CADM1: variants seen among roughly 807,000 people sequenced by gnomAD.
CADM1 encodes cell adhesion molecule 1.
Under a neutral mutation model 53.1 loss-of-function variants are expected in CADM1, and 15 were observed. The ratio of observed to expected loss-of-function variants is 0.28; its 90% confidence interval spans 0.19 to 0.44. The LOEUF (loss-of-function observed/expected upper bound fraction) is 0.44, where lower values mean the gene tolerates loss of function less well. Among genes scored for constraint, CADM1 ranks in the 20% least tolerant of loss-of-function variants. The pLI is 1.00. For synonymous variants in CADM1, 281 were observed against 243.0 expected (o/e 1.16, Z -1.45); for missense variants, 434 against 611.3 (o/e 0.71, Z 3.06).
chr11:115,464,589 A>G (rs1319097045), intron 1 of CADM1, among the ~76,000 whole-genome samples: 1 of 152,198 alleles, frequency 6.6e-6, no homozygotes, highest in Non-Finnish European at 1.5e-5. Context: ...AGATTATTAT[A>G]TTTCTGGCAT....
intron 1 of CADM1, among the ~76,000 whole-genome samples, chr11:115,398,452 T>C (rs1440534232): frequency 5.9e-5 from 9 of 152,126 alleles, no homozygotes; most frequent in Admixed American, 5.9e-4. Context: ...TTTTCTGACT[T>C]GTGTCTCTCC....
rs1371931966 is a variant in CADM1 at position 115,473,916 on chromosome 11, C to T, written c.124+30355G>A. 7.2e-5 allele frequency among the ~76,000 whole-genome samples: 11 copies of T among 152,010 alleles called. No individual in the cohort carries two copies. The South Asian group carries it at 8.3e-4, about 11-fold the overall frequency. On this transcript the variant is annotated intron_variant, in intron 1 of 11. Coordinates refer to ENST00000331581, the MANE Select transcript of CADM1 (RefSeq NM_001301043.2). ...AGAAAACCTACAGTCTATGAGAAAA[C>T]GTATGCAAATCATATATCTCATGAA...
intron 1 of CADM1, among the ~76,000 whole-genome samples, chr11:115,300,983 C>T (rs1419249168): frequency 6.6e-6 from 1 of 151,430 alleles, no homozygotes; most frequent in African/African-American, 2.4e-5. Context: ...GCCTCCACCG[C>T]CCCCCCACCA....
chr11:115,425,950 G>C (rs1345318811), intron 1 of CADM1, among the ~76,000 whole-genome samples: 1 of 152,164 alleles, frequency 6.6e-6, no homozygotes, highest in Admixed American at 6.5e-5. Flanking sequence ...GGCGCATCTA[G>C]GCCAAAGCGG....
At chr11:115,244,760 C>T (rs1319140063) in intron 1 of CADM1, among the ~76,000 whole-genome samples, 1 of 152,162 alleles carries the variant, frequency 6.6e-6, no homozygotes, top group South Asian at 2.1e-4. Context: ...GGGTTGTTTG[C>T]CTATGAGCAA....
chr11:115,448,795 T>A (rs981620890), intron 1 of CADM1, among the ~76,000 whole-genome samples: 1 of 152,162 alleles, frequency 6.6e-6, no homozygotes, highest in African/African-American at 2.4e-5. Context: ...TAAAGGAGTA[T>A]AAAAATACAT....
chr11:115,457,329 C>G (rs1223208859), intron 1 of CADM1, among the ~76,000 whole-genome samples: 1 of 152,102 alleles, frequency 6.6e-6, no homozygotes, highest in Non-Finnish European at 1.5e-5. Context: ...TGCATTTTAA[C>G]CATAATATAC....
At chr11:115,208,816 G>C (rs552883775) in intron 8 of CADM1, among the ~76,000 whole-genome samples, 1 of 152,266 alleles carries the variant, frequency 6.6e-6, no homozygotes, top group Non-Finnish European at 1.5e-5. Context: ...ACATCAAGCA[G>C]TATGAGAGAG....
chr11:115,335,625 T>A (rs1263050995), intron 1 of CADM1, among the ~76,000 whole-genome samples: 4 of 152,160 alleles, frequency 2.6e-5, no homozygotes, highest in African/African-American at 9.6e-5. Flanking sequence ...TCTGTCACAT[T>A]AAAATTCATT....
chr11:115,203,410 T>C (rs999213998), intron 8 of CADM1, among the ~76,000 whole-genome samples: 5 of 152,128 alleles, frequency 3.3e-5, no homozygotes, highest in African/African-American at 9.7e-5. Flanking sequence ...AGGGTAGTGA[T>C]GGAGACAGGA....
At position 115,232,652 on chromosome 11, in the gene CADM1, A is replaced by AGTGATG. The variant is rs1247332460; in HGVS notation, c.425-1168_425-1163dup. On this transcript the variant is annotated intron_variant, in intron 3 of 11. Transcript: ENST00000331581. ...CAAGAGTATGTAGTGTGATAGTGAT[A>AGTGATG]GTGATGGTGACAATGATGATGATGA... Among the ~76,000 whole-genome samples, 6 of 152,318 alleles carry AGTGATG rather than the reference A, an allele frequency of 3.9e-5. No homozygotes were observed. In the South Asian group the frequency reaches 1.0e-3, roughly 26 times the overall value.
At position 115,487,004 on chromosome 11, in the gene CADM1, G is replaced by A. The variant is rs79295867; in HGVS notation, c.124+17267C>T. Among the ~76,000 whole-genome samples the A allele has an allele frequency of 5.1e-3, 778 of 152,258 alleles. 6 individuals carry two copies. Among genetic ancestry groups the A allele is most frequent in the African/African-American group, 0.018 (746 of 41,544 alleles). On this transcript the variant is annotated intron_variant, in intron 1 of 11. Coordinates refer to ENST00000331581, the MANE Select transcript of CADM1 (RefSeq NM_001301043.2). Reference sequence around the variant, plus strand: ...CCTTCCAGAACCCCAAGGAGAATACGAAGAGAGGAAAGGTCAGGCAAATAA... The same window carrying A: ...CCTTCCAGAACCCCAAGGAGAATACAAAGAGAGGAAAGGTCAGGCAAATAA...
intron 1 of CADM1, among the ~76,000 whole-genome samples, chr11:115,309,792 A>C (rs1456943573): frequency 6.6e-6 from 1 of 152,160 alleles, no homozygotes; most frequent in African/African-American, 2.4e-5. Flanking sequence ...TGGGGATAAC[A>C]ACAATATCTA....
chr11:115,199,950 T>C (rs957291199), intron 8 of CADM1, among the ~76,000 whole-genome samples: 1 of 152,184 alleles, frequency 6.6e-6, no homozygotes, highest in Non-Finnish European at 1.5e-5. Flanking sequence ...GAAGCTTTTT[T>C]GGGGGGCAAA....
At chr11:115,303,700 G>A (rs901165264) in intron 1 of CADM1, among the ~76,000 whole-genome samples, 1 of 151,978 alleles carries the variant, frequency 6.6e-6, no homozygotes, top group African/African-American at 2.4e-5. Flanking sequence ...TCTTTCCTCG[G>A]AGAAGAAGCA....
chr11:115,185,545 T>C (rs1939501708), intron 10 of CADM1, among the ~76,000 whole-genome samples: 1 of 152,224 alleles, frequency 6.6e-6, no homozygotes, highest in African/African-American at 2.4e-5. Context: ...TTTTTCTTGT[T>C]GATTTTTTCC....
intron 1 of CADM1, among the ~76,000 whole-genome samples, chr11:115,321,035 A>C (rs935421464): frequency 2.0e-5 from 3 of 152,170 alleles, no homozygotes; most frequent in Admixed American, 1.3e-4. Context: ...CAGTAAGTGA[A>C]TGTATTTCAT....
intron 1 of CADM1, among the ~76,000 whole-genome samples, chr11:115,348,860 C>G (rs1229927203): frequency 6.6e-6 from 1 of 152,090 alleles, no homozygotes; most frequent in Non-Finnish European, 1.5e-5. Flanking sequence ...GGCAATTTAA[C>G]TACATCGGGA....
chr11:115,445,875 A>G (rs538590445), intron 1 of CADM1: 1 of 392,416 alleles, frequency 2.5e-6, no homozygotes. Flanking sequence ...AGGTAATACA[A>G]TTATAACAAT....
Sources: allele counts gnomAD v4.1 joint callset (sites outside exome capture counted in the v4.1 genomes callset), GRCh38; gene constraint gnomAD v4.1.1; transcripts MANE v1.5; gene names NCBI Gene and HGNC (gene_info 2026-07-23, HGNC 2026-07-21).